Variants in TRHR observed in about 807,000 individuals in gnomAD.
The protein encoded by TRHR is thyrotropin releasing hormone receptor.
TRHR carries 14 observed loss-of-function variants against 28.0 expected under a neutral mutation model. That is an observed-to-expected ratio of 0.50 (90% CI 0.33 to 0.78). The LOEUF is 0.78. Ranked by LOEUF, TRHR falls within the 30% of genes least tolerant of loss-of-function variation. The probability of loss-of-function intolerance (pLI) is 0.02; values close to 1 mark genes in which losing one functional copy is unlikely to be tolerated. For missense variants in TRHR, 438 were observed against 469.5 expected (o/e 0.93, Z 0.62); for synonymous variants, 176 against 171.9 (o/e 1.02, Z -0.18).
At chr8:109,117,984 TA>T (rs1811944435) in intron 2 of TRHR, among the ~76,000 whole-genome samples, 1 of 151,978 alleles carries the variant, frequency 6.6e-6, no homozygotes, top group South Asian at 2.1e-4. Flanking sequence ...CAATCTGGGA[TA>T]TTGACCTCAT....
chr8:109,113,844 A>G (rs1811875565), intron 2 of TRHR, among the ~76,000 whole-genome samples: 1 of 152,130 alleles, frequency 6.6e-6, no homozygotes, highest in Non-Finnish European at 1.5e-5. Flanking sequence ...GTAGTTAGTA[A>G]TAGAAGATTC....
chr8:109,118,901 TG>T, intron 2 of TRHR, 146 bp from the exon 3 acceptor site: 3 of 1,009,862 alleles, frequency 3.0e-6, no homozygotes, highest in South Asian at 2.9e-5. Context: ...TCCTGCTTCC[TG>T]GGATCACCTC....
In TRHR at chr8:109,112,400, C is replaced by T. The variant is rs941037086; in HGVS notation, c.790-6648C>T. ...ATCTCTGACAAATAATCAAAATGTC[C>T]CCAGATACTATGTAACCAGAACCTA... is the stretch of plus-strand genomic sequence containing the variant. On this transcript the variant is annotated intron_variant, in intron 2 of 2. Transcript: ENST00000518632. Among the ~76,000 whole-genome samples the T allele has an allele frequency of 2.6e-5, 4 of 152,208 alleles. No individual in the cohort carries two copies. The East Asian group carries it at 7.7e-4, about 29-fold the overall frequency.
intron 2 of TRHR, among the ~76,000 whole-genome samples, chr8:109,088,533 TATTAAGATACAAAGAAATATAAACAGA>T (rs1420181622): frequency 2.0e-5 from 3 of 152,214 alleles, no homozygotes; most frequent in African/African-American, 7.2e-5. Flanking sequence ...GTTCAGGTGC[TATTAAGATACAAAGAAATATAAACAGA>T]AACTCTAGAA....
In TRHR at chr8:109,119,391, C is replaced by A. The variant is rs1408573563; in HGVS notation, c.1133C>A (p.Ser378Tyr). Residue 378 changes from serine (S) to tyrosine (Y), a missense_variant, in exon 3 of 3, where the codon TCT (serine) becomes TAT (tyrosine). Physicochemically the swap from Ser to Tyr is moderately radical, Grantham distance 144 (BLOSUM62 -2). Coordinates refer to ENST00000518632, the MANE Select transcript of TRHR (RefSeq NM_003301.7). ...ATCACTGTCACTGACACTTACCTGTCTGCCACAAAAGTGTCTTTTGATGAC... is the reference window on the plus strand; with the variant it reads ...ATCACTGTCACTGACACTTACCTGTATGCCACAAAAGTGTCTTTTGATGAC... ...DDITVTDTYL[S>Y]ATKVSFDDTC... is the part of the protein sequence containing the mutation. The A allele has an allele frequency of 1.2e-6, 2 of 1,612,308 alleles. No homozygotes were observed. Among genetic ancestry groups the A allele is most frequent in the African/African-American group, 2.7e-5 (2 of 74,764 alleles).
chr8:109,087,972 T>A lies in TRHR; in HGVS notation c.460T>A (p.Ser154Thr). 1 of 1,614,126 alleles carries A rather than the reference T, an allele frequency of 6.2e-7. No homozygotes were observed. The highest frequency in any genetic ancestry group is 8.5e-7 in the Non-Finnish European group (1 of 1,180,036). ...TATCATCTTTGTCTGGGCTTTCACA[T>A]CTCTTTACTGTATGCTCTGGTTCTT... ...KIIIFVWAFT[S>T]LYCMLWFFLL... The change falls in exon 2 of 3, where the codon TCT (serine) becomes ACT (threonine). Residue 154 changes from serine (S) to threonine (T), a missense_variant. Coordinates refer to ENST00000518632, the MANE Select transcript of TRHR (RefSeq NM_003301.7).
chr8:109,095,868 T>C (rs1347415553), intron 2 of TRHR, among the ~76,000 whole-genome samples: 2 of 150,222 alleles, frequency 1.3e-5, no homozygotes, highest in African/African-American at 4.9e-5. Context: ...CACATCCTAG[T>C]GATTCCAGCT....
chr8:109,109,602 T>C (rs991828602), intron 2 of TRHR, among the ~76,000 whole-genome samples: 3 of 152,204 alleles, frequency 2.0e-5, no homozygotes, highest in Non-Finnish European at 2.9e-5. Context: ...TTTTCCATTC[T>C]AGATTAAAAT....
rs1166538999 is a variant in TRHR, at chr8:109,088,227, A to G, written c.715A>G (p.Thr239Ala). The part of the protein sequence containing the change: ...ENSKTWKNDS[T>A]HQNTNLNVNT... ...CTCTAAGACATGGAAAAATGATTCA[A>G]CCCATCAGAACACAAATCTGAATGT... Residue 239 changes from threonine to alanine, a missense_variant, in exon 2 of 3, where the codon ACC (threonine) becomes GCC (alanine). Coordinates refer to ENST00000518632, the MANE Select transcript of TRHR (RefSeq NM_003301.7). 6.2e-7 allele frequency: 1 copy of G among 1,613,960 alleles called. No homozygotes were observed. Among genetic ancestry groups the G allele is most frequent in the Non-Finnish European group, 8.5e-7 (1 of 1,180,034 alleles).
chr8:109,093,873 G>T (rs1435905134), intron 2 of TRHR, among the ~76,000 whole-genome samples: 1 of 145,250 alleles, frequency 6.9e-6, no homozygotes, highest in African/African-American at 2.7e-5. Context: ...AAAAAAAAAA[G>T]ACTAAGAAGA....
intron 2 of TRHR, among the ~76,000 whole-genome samples, chr8:109,096,025 A>G (rs1811585548): frequency 6.6e-6 from 1 of 152,058 alleles, no homozygotes; most frequent in Admixed American, 6.6e-5. Context: ...ATTGCTCACT[A>G]AAGGATCTCT....
chr8:109,101,633 T>C (rs951729475), intron 2 of TRHR, among the ~76,000 whole-genome samples: 1 of 152,218 alleles, frequency 6.6e-6, no homozygotes, highest in African/African-American at 2.4e-5. Context: ...CTTATGTAAG[T>C]GTTGACAACA....
intron 2 of TRHR, among the ~76,000 whole-genome samples, chr8:109,106,125 T>A (rs1178355728): frequency 6.6e-6 from 1 of 151,382 alleles, no homozygotes; most frequent in Non-Finnish European, 1.5e-5. Flanking sequence ...CTGCCTTCAT[T>A]TTAACTCCTT....
chr8:109,104,853 C>A (rs1264863777), intron 2 of TRHR, among the ~76,000 whole-genome samples: 1 of 152,028 alleles, frequency 6.6e-6, no homozygotes, highest in East Asian at 1.9e-4. Context: ...GGCACCGGGG[C>A]TCATACCTGT....
At chr8:109,100,543 G>A (rs558568341) in intron 2 of TRHR, among the ~76,000 whole-genome samples, 94 of 152,016 alleles carry the variant, frequency 6.2e-4, no homozygotes, top group African/African-American at 2.1e-3. Context: ...AGATAGATTC[G>A]GACAGATTTG....
intron 2 of TRHR, among the ~76,000 whole-genome samples, chr8:109,105,090 T>C (rs1181293640): frequency 6.6e-6 from 1 of 152,174 alleles, no homozygotes; most frequent in African/African-American, 2.4e-5. Flanking sequence ...TGAGCTGTTA[T>C]ATGTGCCAGG....
intron 2 of TRHR, among the ~76,000 whole-genome samples, chr8:109,100,393 C>A (rs1586188959): frequency 6.6e-6 from 1 of 151,842 alleles, no homozygotes; most frequent in East Asian, 1.9e-4. Context: ...TGGCATAAAA[C>A]AACTGCAGTG....
At chr8:109,114,373 T>C (rs1811885927) in intron 2 of TRHR, among the ~76,000 whole-genome samples, 1 of 152,064 alleles carries the variant, frequency 6.6e-6, no homozygotes, top group African/African-American at 2.4e-5. Flanking sequence ...GCTGCCTGCT[T>C]CTGTGTTGAC....
At chr8:109,087,052 C>T (rs1172320135) in intron 1 of TRHR, among the ~76,000 whole-genome samples, 169 bp downstream of exon 1, 1 of 152,270 alleles carries the variant, frequency 6.6e-6, no homozygotes, top group East Asian at 1.9e-4. Context: ...GCTTTTTCCT[C>T]TGGTATCTTT....
Sources: allele counts gnomAD v4.1 joint callset (sites outside exome capture counted in the v4.1 genomes callset), GRCh38; gene constraint gnomAD v4.1.1; transcripts MANE v1.5; gene names NCBI Gene and HGNC (gene_info 2026-07-23, HGNC 2026-07-21).